Variants in GALNT18 observed in about 807,000 individuals in gnomAD.
GALNT18 encodes the protein GalNAc-transferase 18.
In GALNT18, 44 loss-of-function variants were observed where a neutral mutation model predicts 69.5. The ratio of observed to expected loss-of-function variants is 0.63; its 90% CI spans 0.50 to 0.81. The LOEUF (loss-of-function observed/expected upper bound fraction) is 0.81, where lower values mean the gene tolerates loss of function less well. Ranked by LOEUF, GALNT18 falls within the 40% of genes least tolerant of loss-of-function variation. GALNT18 has a pLI of 0.00. For synonymous variants in GALNT18, 364 were observed against 318.2 expected (o/e 1.14, Z -1.53); for missense variants, 715 against 810.0 (o/e 0.88, Z 1.42).
chr11:11,531,160 A>T (rs528665767), intron 1 of GALNT18, among the ~76,000 whole-genome samples: 2 of 152,328 alleles, frequency 1.3e-5, no homozygotes, highest in East Asian at 3.9e-4. Context: ...AATATGTGTA[A>T]ATCCATAGCT....
chr11:11,511,272 TC>T lies in GALNT18; in HGVS notation c.236-62337del, dbSNP rs1214949618. Among the ~76,000 whole-genome samples, 9 of 152,170 alleles carry T rather than the reference TC, an allele frequency of 5.9e-5. No homozygotes were observed. The South Asian group carries it at 1.9e-3, about 32-fold the overall frequency. On this transcript the variant is annotated intron_variant, in intron 1 of 10. Transcript: ENST00000227756. This position sits in a 1 kb window ranked among gnomAD's most constrained non-coding sequence, Gnocchi z 4.9. ...TGCTGAAGACTGAAGGGACCGGCTG[TC>T]CAGCTTCACGCAGGGAGGGCTCCTT...
intron 1 of GALNT18, among the ~76,000 whole-genome samples, chr11:11,503,819 T>C (rs577467569): frequency 2.8e-4 from 43 of 152,150 alleles, no homozygotes; most frequent in Non-Finnish European, 5.4e-4. Context: ...AATACATGTG[T>C]ACAATCCGAT....
rs1850323020 is a variant in GALNT18 at position 11,347,440 on chromosome 11, C to T, written c.1093-6436G>A. ...TGCTTGTTAATATCCTTCTGAAGCACTGTGTTGGGAAGAATTCTGAGGCTC... is the reference window on the plus strand; with the variant it reads ...TGCTTGTTAATATCCTTCTGAAGCATTGTGTTGGGAAGAATTCTGAGGCTC... On this transcript the variant is annotated intron_variant, in intron 6 of 10. Transcript: ENST00000227756. The surrounding 1 kb of genome is among the most constrained non-coding windows in gnomAD (Gnocchi z 4.0). Among the ~76,000 whole-genome samples, 1 of 152,136 alleles carries T rather than the reference C, an allele frequency of 6.6e-6. No individual in the cohort carries two copies. Among genetic ancestry groups the T allele is most frequent in the African/African-American group, 2.4e-5 (1 of 41,432 alleles).
intron 1 of GALNT18, among the ~76,000 whole-genome samples, chr11:11,589,023 C>T (rs1462073913): frequency 2.6e-5 from 4 of 152,194 alleles, no homozygotes; most frequent in Admixed American, 2.6e-4. Context: ...AGATTCCATA[C>T]AAGGAATCCC....
At position 11,387,835 on chromosome 11, in the gene GALNT18, TG is replaced by T. The variant is rs1854091699; in HGVS notation, c.596-8572del. Among the ~76,000 whole-genome samples, 1 of 152,238 alleles carries T rather than the reference TG, an allele frequency of 6.6e-6. No homozygotes were observed. Among genetic ancestry groups the T allele is most frequent in the Non-Finnish European group, 1.5e-5 (1 of 68,050 alleles). ...TGATGGTGAGCCTGGCTTGGGCAGC[TG>T]GGATCCCGGAGAGCTCCGGGCAGCA... On this transcript the variant is annotated intron_variant, in intron 3 of 10. Transcript: ENST00000227756. The surrounding 1 kb of genome is among the most constrained non-coding windows in gnomAD (Gnocchi z 4.6).
chr11:11,385,941 T>G (rs1466608), intron 3 of GALNT18, among the ~76,000 whole-genome samples: 123,241 of 151,904 alleles, frequency 0.81, 50,407 homozygotes, highest in East Asian at 0.96. Flanking sequence ...CAGACTGAGG[T>G]AGGAAGTCAT....
At chr11:11,411,908 C>G (rs1387915650) in intron 3 of GALNT18, among the ~76,000 whole-genome samples, 1 of 152,200 alleles carries the variant, frequency 6.6e-6, no homozygotes, top group Non-Finnish European at 1.5e-5. Context: ...TTTAGACACC[C>G]ATATCGGTCA....
At position 11,356,971 on chromosome 11, in the gene GALNT18, GGCTGGTGT is replaced by G. The variant is rs1220318025; in HGVS notation, c.1092+15536_1092+15543del. Reference sequence around the variant, plus strand: ...AATTGCAAAGAGTCACTCCACGGCTGGCTGGTGTGCTAGGGGATAACACGCAATAGCCA... The same window carrying G: ...AATTGCAAAGAGTCACTCCACGGCTGGCTAGGGGATAACACGCAATAGCCA... On this transcript the variant is annotated intron_variant, in intron 6 of 10. Transcript: ENST00000227756. This position sits in a 1 kb window ranked among gnomAD's most constrained non-coding sequence, Gnocchi z 4.4. Among the ~76,000 whole-genome samples, 2 of 152,158 alleles carry G rather than the reference GGCTGGTGT, an allele frequency of 1.3e-5. No individual in the cohort carries two copies.
intron 9 of GALNT18, among the ~76,000 whole-genome samples, chr11:11,311,967 C>G (rs1849679958): frequency 4.6e-5 from 7 of 152,076 alleles, no homozygotes; most frequent in Admixed American, 4.6e-4. Flanking sequence ...TGTAAGTTTC[C>G]TTTTTTTGAG....
intron 1 of GALNT18, among the ~76,000 whole-genome samples, chr11:11,569,426 C>A (rs1243672150): frequency 6.6e-6 from 1 of 152,048 alleles, no homozygotes; most frequent in Non-Finnish European, 1.5e-5. Context: ...TTTTAGATCA[C>A]TAAATACAGC....
chr11:11,546,121 A>G lies in GALNT18; in HGVS notation c.235+75238T>C, dbSNP rs148873727. On this transcript the variant is annotated intron_variant, in intron 1 of 10. Coordinates refer to ENST00000227756, the MANE Select transcript of GALNT18 (RefSeq NM_198516.3). This position sits in a 1 kb window ranked among gnomAD's most constrained non-coding sequence, Gnocchi z 5.8. The stretch of plus-strand genomic sequence containing the variant: ...TCCTTTCCCAGGTGTCTGTGACACA[A>G]TCTGAGCCCTGGTATCCCTGAGAAG... 7.8e-4 allele frequency among the ~76,000 whole-genome samples: 119 copies of G among 152,236 alleles called. No homozygotes were observed. Among genetic ancestry groups the G allele is most frequent in the Middle Eastern group, 3.4e-3 (1 of 294 alleles).
intron 3 of GALNT18, among the ~76,000 whole-genome samples, chr11:11,410,445 G>C (rs1361133013): frequency 6.6e-6 from 1 of 152,044 alleles, no homozygotes; most frequent in Non-Finnish European, 1.5e-5. Context: ...AGCAAACCTA[G>C]GAAAAGCCCT....
At chr11:11,353,249 G>T in intron 6 of GALNT18, 2 of 1,137,350 alleles carry the variant, frequency 1.8e-6, no homozygotes, top group Non-Finnish European at 2.5e-6. Context: ...AAGCGGCAGC[G>T]GCTGTGGCCG....
intron 3 of GALNT18, among the ~76,000 whole-genome samples, chr11:11,409,590 T>C (rs2133753896): frequency 6.6e-6 from 1 of 151,776 alleles, no homozygotes; most frequent in East Asian, 1.9e-4. Flanking sequence ...CCGTATCCTC[T>C]CTGCCCACCC....
intron 1 of GALNT18, among the ~76,000 whole-genome samples, chr11:11,580,079 G>C (rs1859039070): frequency 6.6e-6 from 1 of 152,190 alleles, no homozygotes; most frequent in Non-Finnish European, 1.5e-5. Context: ...AATGGAAATT[G>C]AGTTAAAGAG....
In GALNT18 at chr11:11,320,914, A is replaced by C. The variant is rs1346383402; in HGVS notation, c.1512+6172T>G. Among the ~76,000 whole-genome samples, 6 of 152,156 alleles carry C rather than the reference A, an allele frequency of 3.9e-5. No homozygotes were observed. The highest frequency in any genetic ancestry group is 1.4e-4 in the African/African-American group (6 of 41,452). ...CCAAACCTCCCTACACAGCACTGCT[A>C]GTTGTGCATCTGAGCATGGCCTGGC... is the stretch of plus-strand genomic sequence containing the variant. On this transcript the variant is annotated intron_variant, in intron 9 of 10. Transcript: ENST00000227756. The surrounding 1 kb of genome is among the most constrained non-coding windows in gnomAD (Gnocchi z 4.9).
intron 2 of GALNT18, among the ~76,000 whole-genome samples, chr11:11,440,955 C>T (rs1267271759): frequency 6.6e-6 from 1 of 152,158 alleles, no homozygotes; most frequent in Non-Finnish European, 1.5e-5. Flanking sequence ...GACCTGGCCT[C>T]GGAAAGTGGG....
At chr11:11,403,579 C>A (rs952109905) in intron 3 of GALNT18, among the ~76,000 whole-genome samples, 11 of 152,320 alleles carry the variant, frequency 7.2e-5, no homozygotes, top group African/African-American at 2.6e-4. Flanking sequence ...TTTCTTCCCT[C>A]TGGAACTTCT....
Position 11,555,205 on chromosome 11 carries a change from A to T in GALNT18, c.235+66154T>A, listed in dbSNP as rs566351896. ...TGGGCTGCTCAGGGCGGGGGTGCCTATCCCCACCCCACCATTCATGCCAGC... is the reference window on the plus strand; with the variant it reads ...TGGGCTGCTCAGGGCGGGGGTGCCTTTCCCCACCCCACCATTCATGCCAGC... On this transcript the variant is annotated intron_variant, in intron 1 of 10. Transcript: ENST00000227756. The surrounding 1 kb of genome is among the most constrained non-coding windows in gnomAD (Gnocchi z 4.7). Among the ~76,000 whole-genome samples, 1 of 152,278 alleles carries T rather than the reference A, an allele frequency of 6.6e-6. No individual in the cohort carries two copies. The highest frequency in any genetic ancestry group is 2.1e-4 in the South Asian group (1 of 4,814).
Sources: allele counts gnomAD v4.1 joint callset (sites outside exome capture counted in the v4.1 genomes callset), GRCh38; gene constraint gnomAD v4.1.1; non-coding constraint Gnocchi (gnomAD v3.1); transcripts MANE v1.5; gene names NCBI Gene and HGNC (gene_info 2026-07-23, HGNC 2026-07-21).